Variants in RHOQ observed in about 807,000 individuals in gnomAD.
RHOQ encodes rho-related GTP-binding protein RhoQ.
RHOQ carries 7 observed loss-of-function variants against 25.8 expected under a neutral mutation model. That is an observed-to-expected ratio of 0.27 (90% CI 0.15 to 0.51). The LOEUF (loss-of-function observed/expected upper bound fraction) is 0.51. Among genes scored for constraint, RHOQ ranks in the 20% least tolerant of loss-of-function variants. The pLI, the probability that RHOQ is intolerant of heterozygous loss-of-function variation, is 0.97. For missense variants in RHOQ, 165 were observed against 260.6 expected, an observed-to-expected ratio of 0.63 and a Z score of 2.53; for synonymous variants, 97 against 98.6, an observed-to-expected ratio of 0.98 and a Z score of 0.10.
At chr2:46,563,089 G>A (rs1003184162) in intron 2 of RHOQ, among the ~76,000 whole-genome samples, 64 of 152,216 alleles carry the variant, frequency 4.2e-4, no homozygotes, top group Non-Finnish European at 3.4e-4. Flanking sequence ...GAAAAGGTAA[G>A]TAACTTGTGC....
chr2:46,560,942 T>C (rs1668555929), intron 2 of RHOQ, among the ~76,000 whole-genome samples: 1 of 151,914 alleles, frequency 6.6e-6, no homozygotes, highest in Non-Finnish European at 1.5e-5. Flanking sequence ...TTCATTAACT[T>C]AATTTTCAAA....
chr2:46,575,019 G>A (rs1326729468), intron 2 of RHOQ, among the ~76,000 whole-genome samples: 6 of 152,114 alleles, frequency 3.9e-5, no homozygotes, highest in South Asian at 2.1e-4. Context: ...GTTCACTCTC[G>A]AGAATGTAAA....
rs1214007652 is a variant in RHOQ, at chr2:46,555,620, A to T, written c.201+11808A>T. Reference sequence around the variant, plus strand: ...TAAGCAAAGTGGGACTCATTTCTGGACTCACAGAGCTCATTAAGCAGACAG... The same window carrying T: ...TAAGCAAAGTGGGACTCATTTCTGGTCTCACAGAGCTCATTAAGCAGACAG... On this transcript the variant is annotated intron_variant, in intron 2 of 4. Transcript: ENST00000238738. The surrounding 1 kb of genome is among the most constrained non-coding windows in gnomAD (Gnocchi z 4.3). Among the ~76,000 whole-genome samples the T allele has an allele frequency of 6.6e-6, 1 of 152,196 alleles. No homozygotes were observed. The highest frequency in any genetic ancestry group is 1.5e-5 in the Non-Finnish European group (1 of 68,038).
At position 46,576,083 on chromosome 2, in the gene RHOQ, T is replaced by A. The variant is rs1669114600; in HGVS notation, c.202-4T>A. 1 of 1,589,406 alleles carries A rather than the reference T, an allele frequency of 6.3e-7. No homozygotes were observed. The highest frequency in any genetic ancestry group is 8.5e-7 in the Non-Finnish European group (1 of 1,171,394). On this transcript the variant is annotated splice_polypyrimidine_tract_variant and splice_region_variant and intron_variant, in intron 2 of 4. Coordinates refer to ENST00000238738, the MANE Select transcript of RHOQ (RefSeq NM_012249.4). The surrounding 1 kb of genome is among the most constrained non-coding windows in gnomAD (Gnocchi z 5.1). ...ACATAATGAGGCTTTTCTTTGTTCC[T>A]CAGGAAGACTATGACCGTCTGAGGC...
At chr2:46,561,779 T>G (rs1668587227) in intron 2 of RHOQ, among the ~76,000 whole-genome samples, 1 of 152,162 alleles carries the variant, frequency 6.6e-6, no homozygotes, top group Non-Finnish European at 1.5e-5. Context: ...ACAATGACAT[T>G]AAGAGGTAGG....
intron 2 of RHOQ, among the ~76,000 whole-genome samples, chr2:46,575,549 T>A (rs1171940359): frequency 1.3e-5 from 2 of 152,114 alleles, no homozygotes; most frequent in Non-Finnish European, 2.9e-5. Flanking sequence ...AGGATTTGAA[T>A]CTCAGCTCCT....
chr2:46,546,505 TATATATGTATATACATATATATATATAC>T lies in RHOQ; in HGVS notation c.201+2695_201+2722del, dbSNP rs1558680598. On this transcript the variant is annotated intron_variant, in intron 2 of 4. Coordinates refer to ENST00000238738, the MANE Select transcript of RHOQ (RefSeq NM_012249.4). Reference sequence around the variant, plus strand: ...ATATATATATATATATATATATATATATATATGTATATACATATATATATATACACAAATCCTTAAGCCTAGTGGGCAG... The same window carrying T: ...ATATATATATATATATATATATATATACAAATCCTTAAGCCTAGTGGGCAG... Among the ~76,000 whole-genome samples the T allele has an allele frequency of 1.8e-3, 38 of 21,262 alleles. 1 individual carries two copies. The highest frequency in any genetic ancestry group is 4.1e-3 in the African/African-American group (21 of 5,098). 13.9% of individuals were successfully genotyped at this position (21,262 alleles called of 152,430 possible).
intron 2 of RHOQ, among the ~76,000 whole-genome samples, chr2:46,559,083 A>C (rs1049217977): frequency 2.0e-5 from 3 of 152,114 alleles, no homozygotes; most frequent in African/African-American, 4.8e-5. Flanking sequence ...CTTCCTGAGT[A>C]GTTGGGACTA....
In RHOQ at chr2:46,552,823, G is replaced by A. The variant is rs939224446; in HGVS notation, c.201+9011G>A. ...TTGAAGGGTAGGTCAACCATGAGTGGTGGGAGGGCAGTGGGGCCTATTTAT... is the reference window on the plus strand; with the variant it reads ...TTGAAGGGTAGGTCAACCATGAGTGATGGGAGGGCAGTGGGGCCTATTTAT... On this transcript the variant is annotated intron_variant, in intron 2 of 4. Coordinates refer to ENST00000238738, the MANE Select transcript of RHOQ (RefSeq NM_012249.4). The surrounding 1 kb of genome is among the most constrained non-coding windows in gnomAD (Gnocchi z 5.0). 1.4e-4 allele frequency among the ~76,000 whole-genome samples: 21 copies of A among 152,264 alleles called. No homozygotes were observed. Among genetic ancestry groups the A allele is most frequent in the Non-Finnish European group, 2.5e-4 (17 of 68,056 alleles).
intron 2 of RHOQ, among the ~76,000 whole-genome samples, chr2:46,547,122 A>C (rs1260944789): frequency 1.3e-5 from 2 of 152,222 alleles, no homozygotes; most frequent in African/African-American, 4.8e-5. Context: ...AGTTGGTTCT[A>C]CTTTCAGAGA....
At chr2:46,561,355 A>C (rs1668572981) in intron 2 of RHOQ, among the ~76,000 whole-genome samples, 1 of 152,092 alleles carries the variant, frequency 6.6e-6, no homozygotes, top group African/African-American at 2.4e-5. Context: ...AGAGTATTCC[A>C]GGCCAAGAAA....
intron 2 of RHOQ, among the ~76,000 whole-genome samples, chr2:46,558,946 G>A (rs574449039): frequency 2.0e-5 from 3 of 151,960 alleles, no homozygotes; most frequent in East Asian, 1.9e-4. Context: ...TCTTCTAAGC[G>A]GTTTAGGTTT....
In RHOQ at chr2:46,543,828, T is replaced by G; in HGVS notation, c.201+16T>G. 6.2e-7 allele frequency: 1 copy of G among 1,609,482 alleles called. No individual in the cohort carries two copies. Among genetic ancestry groups the G allele is most frequent in the Non-Finnish European group, 8.5e-7 (1 of 1,177,134 alleles). ...GGCCGGACAGGTGAGTGTCTTGGCC[T>G]CTGGCCGACGCCCCCCTCCTGTTCC... On this transcript the variant is annotated intron_variant, in intron 2 of 4. Coordinates refer to ENST00000238738, the MANE Select transcript of RHOQ (RefSeq NM_012249.4).
At chr2:46,544,488 C>T (rs1667983984) in intron 2 of RHOQ, among the ~76,000 whole-genome samples, 1 of 152,208 alleles carries the variant, frequency 6.6e-6, no homozygotes, top group South Asian at 2.1e-4. Flanking sequence ...TCTGGGTTTT[C>T]TTTGGGAGAG....
chr2:46,543,964 G>A, intron 2 of RHOQ, 152 bp downstream of exon 2: 2 of 634,892 alleles, frequency 3.2e-6, no homozygotes, highest in African/African-American at 1.8e-5. Context: ...TAACAAGTCA[G>A]CAAATTAGGA....
At chr2:46,573,312 G>T (rs991694996) in intron 2 of RHOQ, among the ~76,000 whole-genome samples, 1 of 152,042 alleles carries the variant, frequency 6.6e-6, no homozygotes, top group Non-Finnish European at 1.5e-5. Flanking sequence ...GTCCCACCTC[G>T]GCCTCCCAAA....
At chr2:46,554,239 T>C (rs1668342363) in intron 2 of RHOQ, among the ~76,000 whole-genome samples, 1 of 152,130 alleles carries the variant, frequency 6.6e-6, no homozygotes, top group Non-Finnish European at 1.5e-5. Context: ...CTGGAATGAA[T>C]TGAATGATTC....
rs367985083 is a variant in RHOQ, at chr2:46,543,197, C to T, written c.142+9C>T. ...CTTCGACCACTACGCAGGTAAGCCT[C>T]GGAACTGCTGACTAAGGGGCCGCTC... On this transcript the variant is annotated intron_variant, in intron 1 of 4. Transcript: ENST00000238738. 6.2e-7 allele frequency: 1 copy of T among 1,611,598 alleles called. No homozygotes were observed. Among genetic ancestry groups the T allele is most frequent in the South Asian group, 1.1e-5 (1 of 90,992 alleles).
chr2:46,560,589 C>T (rs1441468629), intron 2 of RHOQ: 8 of 456,110 alleles, frequency 1.8e-5, no homozygotes, highest in South Asian at 3.1e-5. Context: ...CCTGGGGTCA[C>T]GTGATCACGT....
Sources: allele counts gnomAD v4.1 joint callset (sites outside exome capture counted in the v4.1 genomes callset), GRCh38; gene constraint gnomAD v4.1.1; non-coding constraint Gnocchi (gnomAD v3.1); transcripts MANE v1.5; gene names NCBI Gene and HGNC (gene_info 2026-07-23, HGNC 2026-07-21).